Variants in DSCAML1 observed in about 807,000 individuals in gnomAD.
DSCAML1 encodes DS cell adhesion molecule like 1, also known as cell adhesion molecule DSCAML1.
A neutral mutation model predicts 200.5 loss-of-function variants in DSCAML1; 38 were observed. The observed-to-expected ratio is 0.19, with a 90% CI of 0.15 to 0.25. DSCAML1 has a LOEUF of 0.25. Ranked by LOEUF, DSCAML1 falls within the 10% of genes least tolerant of loss-of-function variation. The probability of loss-of-function intolerance (pLI) is 1.00; values close to 1 mark genes in which losing one functional copy is unlikely to be tolerated. For missense variants in DSCAML1, 2,223 were observed against 2,858.8 expected (o/e 0.78, Z 5.07); for synonymous variants, 1,215 against 1,165.0 (o/e 1.04, Z -0.87).
chr11:117,517,264 GTGTAT>G (rs1480540307), intron 7 of DSCAML1, among the ~76,000 whole-genome samples: 1 of 152,228 alleles, frequency 6.6e-6, no homozygotes, highest in African/African-American at 2.4e-5. Context: ...ACAAGTAAAT[GTGTAT>G]TGTAGGCCCC....
intron 3 of DSCAML1, among the ~76,000 whole-genome samples, chr11:117,701,425 C>T (rs145689267): frequency 1.4e-4 from 22 of 152,254 alleles, no homozygotes; most frequent in East Asian, 1.2e-3. Flanking sequence ...TTTGAGAACC[C>T]GCTTATGGTC....
chr11:117,431,200 C>A (rs149247784), intron 31 of DSCAML1, among the ~76,000 whole-genome samples, 167 bp from the exon 32 acceptor site: 1 of 152,322 alleles, frequency 6.6e-6, no homozygotes, highest in East Asian at 1.9e-4. Context: ...GAAGTAGGAT[C>A]TTTGGCTCAT....
chr11:117,465,866 G>A (rs1028849524), intron 16 of DSCAML1, among the ~76,000 whole-genome samples: 3 of 152,140 alleles, frequency 2.0e-5, no homozygotes, highest in African/African-American at 7.2e-5. Flanking sequence ...AGGGAGGTGA[G>A]CAATTAGTTT....
At chr11:117,446,656 A>C (rs1204836593) in intron 20 of DSCAML1, among the ~76,000 whole-genome samples, 1 of 152,234 alleles carries the variant, frequency 6.6e-6, no homozygotes, top group East Asian at 1.9e-4. Flanking sequence ...TCTAACAAAA[A>C]TAAAGCAGAA....
At position 117,525,006 on chromosome 11, in the gene DSCAML1, G is replaced by T; in HGVS notation, c.736C>A (p.Pro246Thr). The change falls in exon 5 of 33, where the codon CCC becomes ACC. Residue 246 changes from proline (P) to threonine (T), a missense_variant. Physicochemically the swap from Pro to Thr is conservative, Grantham distance 38. Coordinates refer to ENST00000651296, the MANE Select transcript of DSCAML1 (RefSeq NM_020693.4). ...ATAGGGTAGCCCGAGGCGGTGCAGG[G>T]CAGCTCCACGGTGTGGCCGGCCCAC... The part of the protein sequence containing the change: ...EVWAGHTVEL[P>T]CTASGYPIPA... 2.5e-6 allele frequency: 4 copies of T among 1,610,030 alleles called. No homozygotes were observed. The highest frequency in any genetic ancestry group is 3.4e-6 in the Non-Finnish European group (4 of 1,178,686).
At chr11:117,594,910 A>AT (rs1337438120) in intron 3 of DSCAML1, among the ~76,000 whole-genome samples, 1 of 151,894 alleles carries the variant, frequency 6.6e-6, no homozygotes, top group African/African-American at 2.4e-5. Context: ...CTGTGGTGGG[A>AT]TTTTCATTCC....
intron 4 of DSCAML1, among the ~76,000 whole-genome samples, chr11:117,531,424 G>A (rs996775532): frequency 1.3e-5 from 2 of 152,122 alleles, no homozygotes; most frequent in Non-Finnish European, 2.9e-5. Context: ...TACACAGGAG[G>A]ATTCAATAAA....
At chr11:117,654,932 A>G (rs2052703534) in intron 3 of DSCAML1, among the ~76,000 whole-genome samples, 1 of 152,208 alleles carries the variant, frequency 6.6e-6, no homozygotes, top group Non-Finnish European at 1.5e-5. Flanking sequence ...AGGATGTAAA[A>G]TATAGAATCA....
chr11:117,436,046 G>C (rs1382836612), intron 26 of DSCAML1, among the ~76,000 whole-genome samples: 4 of 152,194 alleles, frequency 2.6e-5, no homozygotes, highest in Non-Finnish European at 5.9e-5. Flanking sequence ...TGTAGAATTA[G>C]CCTAAAGTCT....
intron 15 of DSCAML1, among the ~76,000 whole-genome samples, chr11:117,470,989 G>A (rs1565713587): frequency 6.6e-6 from 1 of 152,168 alleles, no homozygotes. Context: ...AAAAAAGAAT[G>A]AAAATTAGTA....
At chr11:117,664,104 TG>T (rs2052923609) in intron 3 of DSCAML1, among the ~76,000 whole-genome samples, 1 of 152,092 alleles carries the variant, frequency 6.6e-6, no homozygotes, top group Non-Finnish European at 1.5e-5. Flanking sequence ...AGTTCCAGGA[TG>T]CTGGGAGAGG....
intron 3 of DSCAML1, among the ~76,000 whole-genome samples, chr11:117,585,759 C>T (rs2051129231): frequency 6.6e-6 from 1 of 152,168 alleles, no homozygotes; most frequent in African/African-American, 2.4e-5. Context: ...TGTCTGGGAG[C>T]ACAGAGAGGA....
At chr11:117,636,631 C>G (rs944466468) in intron 3 of DSCAML1, among the ~76,000 whole-genome samples, 1 of 152,180 alleles carries the variant, frequency 6.6e-6, no homozygotes, top group Non-Finnish European at 1.5e-5. Flanking sequence ...ACTGAAACCC[C>G]CAACCCCTTA....
At chr11:117,461,394 C>T in intron 18 of DSCAML1, 56 bp downstream of exon 18, 1 of 1,609,480 alleles carries the variant, frequency 6.2e-7, no homozygotes, top group East Asian at 2.2e-5. Flanking sequence ...TGGAAGCAGA[C>T]TCCACTGACC....
intron 3 of DSCAML1, among the ~76,000 whole-genome samples, chr11:117,623,824 C>A (rs1441846470): frequency 6.6e-6 from 1 of 152,206 alleles, no homozygotes; most frequent in Admixed American, 6.5e-5. Flanking sequence ...AGATCACACA[C>A]CTGAGACTTG....
At chr11:117,434,907 A>C (rs1403966882) in intron 27 of DSCAML1, among the ~76,000 whole-genome samples, 1 of 152,230 alleles carries the variant, frequency 6.6e-6, no homozygotes, top group African/African-American at 2.4e-5. Context: ...AGCATTAGTC[A>C]TTCCCTCTTC....
chr11:117,453,096 G>C (rs2048310482), intron 19 of DSCAML1, among the ~76,000 whole-genome samples: 1 of 152,014 alleles, frequency 6.6e-6, no homozygotes, highest in Admixed American at 6.6e-5. Flanking sequence ...CATGATGCCA[G>C]GTTAATTTTT....
At chr11:117,744,824 C>G (rs2054487409) in intron 3 of DSCAML1, among the ~76,000 whole-genome samples, 1 of 152,248 alleles carries the variant, frequency 6.6e-6, no homozygotes, top group East Asian at 1.9e-4. Flanking sequence ...CCCAAAACTA[C>G]AGGCAAAGGG....
rs558287101 is a variant in DSCAML1 at position 117,537,863 on chromosome 11, G to A, written c.512-5341C>T. The stretch of plus-strand genomic sequence containing the variant: ...CCTCCTCTGGAGCCTGTAGAGAGAC[G>A]CTGGCCCTGCCAGCACCTCCATTTT... On this transcript the variant is annotated intron_variant, in intron 3 of 32. Transcript: ENST00000651296. Among the ~76,000 whole-genome samples, 5 of 152,156 alleles carry A rather than the reference G, an allele frequency of 3.3e-5. No individual in the cohort carries two copies. In the South Asian group the frequency reaches 6.2e-4, roughly 19 times the overall value.
Sources: gnomAD v4.1 joint callset for allele counts (sites outside exome capture counted in the v4.1 genomes callset) on GRCh38, gnomAD v4.1.1 for gene constraint, MANE v1.5 for transcripts, NCBI Gene and HGNC (gene_info 2026-07-23, HGNC 2026-07-21) for gene names.